Variants in CRYBG1 observed in about 807,000 individuals in gnomAD.
The protein encoded by CRYBG1 is beta/gamma crystallin domain-containing protein 1.
A neutral mutation model predicts 189.2 loss-of-function variants in CRYBG1; 139 were observed. The observed-to-expected ratio is 0.73, with a 90% CI of 0.64 to 0.85. The LOEUF is 0.85. CRYBG1 is among the 40% of genes least tolerant of loss of function. The pLI is 0.00. For missense variants in CRYBG1, 2,611 were observed against 2,675.8 expected (o/e 0.98, Z 0.53); for synonymous variants, 1,023 against 1,017.1 (o/e 1.01, Z -0.11).
At chr6:106,464,415 C>T (rs1772071680) in intron 2 of CRYBG1, among the ~76,000 whole-genome samples, 1 of 151,812 alleles carries the variant, frequency 6.6e-6, no homozygotes, top group African/African-American at 2.4e-5. Context: ...ATTGCTTGAA[C>T]CCGGGAGGCA....
rs1229751353 is a variant in CRYBG1 at position 106,360,817 on chromosome 6, G to A, written c.-92G>A. On this transcript the variant is annotated 5_prime_UTR_variant, in exon 1 of 22. Coordinates refer to ENST00000633556, the MANE Select transcript of CRYBG1 (RefSeq NM_001371242.2). ...GGTCCCACGGCGCGCTGAGAAAGGCGGGCGAGCTGGCGCTCAGGTGTGTTC... is the reference window on the plus strand; with the variant it reads ...GGTCCCACGGCGCGCTGAGAAAGGCAGGCGAGCTGGCGCTCAGGTGTGTTC... The A allele has an allele frequency of 2.2e-6, 3 of 1,373,008 alleles. No individual in the cohort carries two copies. The African/African-American group carries it at 4.6e-5, about 21-fold the overall frequency. 85.1% of individuals were successfully genotyped at this position (1,373,008 alleles called of 1,614,324 possible).
intron 1 of CRYBG1, among the ~76,000 whole-genome samples, chr6:106,381,952 G>A (rs1770297701): frequency 6.6e-6 from 1 of 152,138 alleles, no homozygotes; most frequent in Admixed American, 6.5e-5. Context: ...CTAGACTATG[G>A]TGCACCAAGG....
chr6:106,361,973 T>TTTCTTTCTTTCTTTC (rs1174995603), intron 1 of CRYBG1, among the ~76,000 whole-genome samples: 1 of 19,972 alleles, frequency 5.0e-5, no homozygotes, highest in Non-Finnish European at 9.7e-5. Flanking sequence ...TTCTTTCTTT[T>TTTCTTTCTTTCTTTC]TTTTTTTTTT....
intron 2 of CRYBG1, among the ~76,000 whole-genome samples, chr6:106,505,326 C>A (rs1325116176): frequency 6.6e-6 from 1 of 152,096 alleles, no homozygotes; most frequent in Non-Finnish European, 1.5e-5. Flanking sequence ...GATCTCTTGA[C>A]CTCAGGATCT....
In CRYBG1 at chr6:106,568,636, TG is replaced by T; in HGVS notation, c.*72del. Reference sequence around the variant, plus strand: ...TATTTCTTAAAAAGGACAATGCTGATGGAAGACCAGACTGGAAAGTGGATCG... The same window carrying T: ...TATTTCTTAAAAAGGACAATGCTGATGAAGACCAGACTGGAAAGTGGATCG... On this transcript the variant is annotated 3_prime_UTR_variant, in exon 22 of 22. Coordinates refer to ENST00000633556, the MANE Select transcript of CRYBG1 (RefSeq NM_001371242.2). 1 of 1,151,268 alleles carries T rather than the reference TG, an allele frequency of 8.7e-7. No homozygotes were observed. 71.3% of individuals were successfully genotyped at this position (1,151,268 alleles called of 1,614,324 possible). A position where few individuals can be genotyped will look rare whatever the true frequency, so the allele number is the denominator to read the frequency against.
chr6:106,517,369 T>TATAC (rs201028837), intron 3 of CRYBG1, among the ~76,000 whole-genome samples: 18,560 of 117,128 alleles, frequency 0.16, 2,477 homozygotes, highest in African/African-American at 0.36. Context: ...TACACATATA[T>TATAC]ACACACACAC....
intron 1 of CRYBG1, among the ~76,000 whole-genome samples, chr6:106,362,462 G>T (rs1422813374): frequency 3.9e-5 from 6 of 152,168 alleles, no homozygotes; most frequent in African/African-American, 1.4e-4. Context: ...CACAGGAGGG[G>T]ATCAGGGAGG....
At chr6:106,470,042 C>T (rs551781124) in intron 2 of CRYBG1, among the ~76,000 whole-genome samples, 76 of 152,290 alleles carry the variant, frequency 5.0e-4, no homozygotes, top group South Asian at 1.2e-3. Flanking sequence ...GACTTTTCCT[C>T]GGGGACAGGG....
intron 2 of CRYBG1, among the ~76,000 whole-genome samples, chr6:106,476,050 A>G (rs957293776): frequency 6.6e-6 from 1 of 152,252 alleles, no homozygotes; most frequent in African/African-American, 2.4e-5. Context: ...TTCATATTTC[A>G]TGTCCTCCTA....
chr6:106,385,542 T>G (rs1311717345), intron 1 of CRYBG1, among the ~76,000 whole-genome samples: 1 of 152,238 alleles, frequency 6.6e-6, no homozygotes, highest in Non-Finnish European at 1.5e-5. Flanking sequence ...AAGACTTGAA[T>G]AGTTCTGCAG....
intron 2 of CRYBG1, among the ~76,000 whole-genome samples, chr6:106,506,194 G>A (rs1773129049): frequency 1.3e-5 from 2 of 152,118 alleles, no homozygotes; most frequent in Admixed American, 1.3e-4. Flanking sequence ...TTGTCTCCAA[G>A]AGCATTGACA....
chr6:106,431,369 A>G (rs1041851487), intron 1 of CRYBG1, among the ~76,000 whole-genome samples: 1 of 152,172 alleles, frequency 6.6e-6, no homozygotes, highest in African/African-American at 2.4e-5. Context: ...GTCTTTCTAA[A>G]CTAAAGCATT....
intron 1 of CRYBG1, among the ~76,000 whole-genome samples, chr6:106,435,964 A>C (rs139087165): frequency 6.6e-5 from 10 of 152,314 alleles, no homozygotes; most frequent in Admixed American, 5.2e-4. Flanking sequence ...GACCTAAGAA[A>C]CTGGGAAAAA....
chr6:106,413,589 A>G (rs1271738268), intron 1 of CRYBG1, among the ~76,000 whole-genome samples: 1 of 152,126 alleles, frequency 6.6e-6, no homozygotes, highest in African/African-American at 2.4e-5. Flanking sequence ...AGGCAGGAGA[A>G]TCACTTGAAC....
chr6:106,484,659 A>T (rs1029608756), intron 2 of CRYBG1, among the ~76,000 whole-genome samples: 14 of 151,928 alleles, frequency 9.2e-5, no homozygotes, highest in Non-Finnish European at 2.1e-4. Context: ...TTGGCTACTC[A>T]GGTTCTTTTG....
At chr6:106,540,834 C>G (rs1774112204) in intron 9 of CRYBG1, among the ~76,000 whole-genome samples, 1 of 151,618 alleles carries the variant, frequency 6.6e-6, no homozygotes, top group Non-Finnish European at 1.5e-5. Flanking sequence ...TAAAAAAATC[C>G]AACTTTCCCA....
In CRYBG1 at chr6:106,507,330, C is replaced by T. The variant is rs542610669; in HGVS notation, c.313-4100C>T. On this transcript the variant is annotated intron_variant, in intron 2 of 21. Coordinates refer to ENST00000633556, the MANE Select transcript of CRYBG1 (RefSeq NM_001371242.2). ...AAGGGTGCCAAGTGCAGGTTCTGCA[C>T]TGTAAGGTGTGCAGGCTGCCTTAAG... is the stretch of plus-strand genomic sequence containing the variant. Among the ~76,000 whole-genome samples the T allele has an allele frequency of 3.3e-5, 5 of 152,326 alleles. No homozygotes were observed. The South Asian group carries it at 1.0e-3, about 32-fold the overall frequency.
chr6:106,460,630 A>T (rs1457086988), intron 2 of CRYBG1, among the ~76,000 whole-genome samples: 1 of 152,134 alleles, frequency 6.6e-6, no homozygotes, highest in Non-Finnish European at 1.5e-5. Flanking sequence ...GGATATCCAG[A>T]GATGGGGAGC....
At chr6:106,478,191 A>G (rs1165786692) in intron 2 of CRYBG1, among the ~76,000 whole-genome samples, 1 of 152,252 alleles carries the variant, frequency 6.6e-6, no homozygotes. Flanking sequence ...TCCGCGCACC[A>G]CATCAAAGCT....
Sources: allele counts gnomAD v4.1 joint callset (sites outside exome capture counted in the v4.1 genomes callset), GRCh38; gene constraint gnomAD v4.1.1; transcripts MANE v1.5; gene names NCBI Gene and HGNC (gene_info 2026-07-23, HGNC 2026-07-21).